TSPAN7: variants seen among roughly 807,000 people sequenced by gnomAD.
TSPAN7 encodes tetraspanin-7.
TSPAN7 carries 1 observed loss-of-function variant against 17.6 expected under a neutral mutation model. That is an observed-to-expected ratio of 0.06 (90% CI 0.02 to 0.27). The LOEUF (loss-of-function observed/expected upper bound fraction) is 0.27. Ranked by LOEUF, TSPAN7 falls within the 10% of genes least tolerant of loss-of-function variation. The pLI is 1.00. For synonymous variants in TSPAN7, 78 were observed against 79.0 expected (o/e 0.99, Z 0.07); for missense variants, 112 against 201.7 (o/e 0.56, Z 2.69).
rs370750082 is a variant in TSPAN7, at chrX:38,563,410, C to T, written c.81+1783C>T. Among the ~76,000 whole-genome samples the T allele has an allele frequency of 1.4e-4, 16 of 111,562 alleles. No homozygotes were observed. The East Asian group carries it at 4.2e-3, about 29-fold the overall frequency. ...TAGCTTTTTATGTGTTTCCTTAAAT[C>T]TCTTTTTGTTTGGCCCTTTATCATT... On this transcript the variant is annotated intron_variant, in intron 1 of 7. Coordinates refer to ENST00000378482, the MANE Select transcript of TSPAN7 (RefSeq NM_004615.4).
chrX:38,629,607 A>G (rs1431697702), intron 1 of TSPAN7, among the ~76,000 whole-genome samples: 1 of 111,536 alleles, frequency 9.0e-6, no homozygotes, highest in Non-Finnish European at 1.9e-5. Flanking sequence ...TCTTAGGAAA[A>G]AGGGACGGGA....
chrX:38,606,587 T>C (rs1244474340), intron 1 of TSPAN7, among the ~76,000 whole-genome samples: 1 of 111,089 alleles, frequency 9.0e-6, no homozygotes, highest in Non-Finnish European at 1.9e-5. Flanking sequence ...TCCTGAATCT[T>C]AAGTCCATAA....
intron 5 of TSPAN7, among the ~76,000 whole-genome samples, chrX:38,677,071 T>C (rs1363036853): frequency 9.0e-6 from 1 of 111,671 alleles, no homozygotes; most frequent in Non-Finnish European, 1.9e-5. Context: ...CCAAGTCTTT[T>C]TTTTCCCCCC....
chrX:38,624,047 A>C (rs987742391), intron 1 of TSPAN7, among the ~76,000 whole-genome samples: 5 of 109,137 alleles, frequency 4.6e-5, no homozygotes, highest in Non-Finnish European at 9.5e-5. Context: ...CTTGGGATGC[A>C]TGGATTCTTA....
chrX:38,609,654 A>G (rs946555649), intron 1 of TSPAN7, among the ~76,000 whole-genome samples: 3 of 108,318 alleles, frequency 2.8e-5, no homozygotes, highest in South Asian at 3.9e-4. Context: ...ATATATATGT[A>G]TATAATTAAA....
chrX:38,574,206 CAG>C (rs1461772759), intron 1 of TSPAN7, among the ~76,000 whole-genome samples: 1 of 112,111 alleles, frequency 8.9e-6, no homozygotes, highest in African/African-American at 3.2e-5. Context: ...AGAAACTGGA[CAG>C]AGATTCTTGT....
intron 1 of TSPAN7, among the ~76,000 whole-genome samples, chrX:38,659,374 A>T (rs757470169): frequency 3.6e-5 from 4 of 111,762 alleles, no homozygotes; most frequent in East Asian, 5.6e-4. Context: ...AGATACAGGG[A>T]GAATCTTAGA....
intron 1 of TSPAN7, among the ~76,000 whole-genome samples, chrX:38,592,316 A>T (rs1454132215): frequency 7.2e-5 from 8 of 111,721 alleles, no homozygotes; most frequent in African/African-American, 2.6e-4. Context: ...GCCAGCATGT[A>T]GTTGACCCTT....
intron 1 of TSPAN7, among the ~76,000 whole-genome samples, chrX:38,562,547 C>T (rs1391943997): frequency 3.4e-5 from 2 of 58,850 alleles, no homozygotes; most frequent in Non-Finnish European, 6.8e-5. Flanking sequence ...CGCCTTTCTG[C>T]GCGGGGGAGG....
At chrX:38,610,816 TC>T (rs2069413771) in intron 1 of TSPAN7, among the ~76,000 whole-genome samples, 2 of 112,633 alleles carry the variant, frequency 1.8e-5, no homozygotes, top group South Asian at 7.4e-4. Flanking sequence ...AATTATTCTT[TC>T]TGAAGATGCT....
At chrX:38,636,905 G>A (rs1480871425) in intron 1 of TSPAN7, among the ~76,000 whole-genome samples, 2 of 111,625 alleles carry the variant, frequency 1.8e-5, no homozygotes, top group East Asian at 5.6e-4. Context: ...TCCGCCAGCC[G>A]TGGGCTCCCA....
intron 1 of TSPAN7, among the ~76,000 whole-genome samples, chrX:38,647,359 C>T (rs1299422084): frequency 1.8e-5 from 2 of 111,976 alleles, no homozygotes; most frequent in Non-Finnish European, 3.8e-5. Context: ...TCAGGTCATC[C>T]GCCTGCCTCG....
intron 1 of TSPAN7, among the ~76,000 whole-genome samples, chrX:38,565,339 C>G (rs889061553): frequency 8.9e-6 from 1 of 111,889 alleles, no homozygotes; most frequent in South Asian, 3.8e-4. Flanking sequence ...AAGTGATTCT[C>G]CTGCCTCAGC....
intron 6 of TSPAN7, among the ~76,000 whole-genome samples, chrX:38,684,214 A>G (rs2069911497): frequency 8.9e-6 from 1 of 112,424 alleles, no homozygotes; most frequent in Admixed American, 9.4e-5. Flanking sequence ...AGACTGGGCA[A>G]GAACTTTGTC....
At chrX:38,635,416 C>T (rs1206172688) in intron 1 of TSPAN7, among the ~76,000 whole-genome samples, 1 of 111,227 alleles carries the variant, frequency 9.0e-6, no homozygotes, top group Non-Finnish European at 1.9e-5. Flanking sequence ...TAGGCTTTGG[C>T]AAGACTTTTG....
rs753304816 is a variant in TSPAN7 at position 38,628,634 on chromosome X, T to C, written c.82-37487T>C. Among the ~76,000 whole-genome samples the C allele has an allele frequency of 3.6e-5, 4 of 112,182 alleles. No individual in the cohort carries two copies. The South Asian group carries it at 1.5e-3, about 42-fold the overall frequency. On this transcript the variant is annotated intron_variant, in intron 1 of 7. Coordinates refer to ENST00000378482, the MANE Select transcript of TSPAN7 (RefSeq NM_004615.4). ...ATTGGAGTTGAATGTCAAAGCTCCTTATGTTATATTCAGCTGTCAACTAGG... is the reference window on the plus strand; with the variant it reads ...ATTGGAGTTGAATGTCAAAGCTCCTCATGTTATATTCAGCTGTCAACTAGG...
intron 1 of TSPAN7, among the ~76,000 whole-genome samples, chrX:38,566,062 G>GA (rs766401210): frequency 8.9e-6 from 1 of 112,105 alleles, no homozygotes; most frequent in Admixed American, 9.4e-5. Context: ...GTCCTGTGAA[G>GA]AAAAAATGGA....
At chrX:38,562,626 T>G (rs996419444) in intron 1 of TSPAN7, among the ~76,000 whole-genome samples, 1 of 109,480 alleles carries the variant, frequency 9.1e-6, no homozygotes, top group Non-Finnish European at 1.9e-5. Flanking sequence ...CCTCATCCTG[T>G]TTGGCAAATC....
chrX:38,631,732 TTTCA>T (rs1183880037), intron 1 of TSPAN7, among the ~76,000 whole-genome samples: 1 of 111,785 alleles, frequency 8.9e-6, no homozygotes, highest in African/African-American at 3.3e-5. Context: ...AGGATTCACA[TTTCA>T]TTCCTTGTTT....
Sources: gnomAD v4.1 joint callset for allele counts (sites outside exome capture counted in the v4.1 genomes callset) on GRCh38, gnomAD v4.1.1 for gene constraint, MANE v1.5 for transcripts, NCBI Gene and HGNC (gene_info 2026-07-23, HGNC 2026-07-21) for gene names.